Variants in PCDHA9 observed in about 807,000 individuals in gnomAD.
PCDHA9 encodes the protein protocadherin alpha-9.
PCDHA9 carries 62 observed loss-of-function variants against 62.0 expected under a neutral mutation model. The ratio of observed to expected loss-of-function variants is 1.00; its 90% CI spans 0.81 to 1.23. The LOEUF (loss-of-function observed/expected upper bound fraction) is 1.23. PCDHA9 is among the 50% of genes most tolerant of loss of function. The probability of loss-of-function intolerance (pLI) is 0.00; values close to 1 mark genes in which losing one functional copy is unlikely to be tolerated. For synonymous variants in PCDHA9, 557 were observed against 567.6 expected (o/e 0.98, Z 0.27); for missense variants, 1,205 against 1,249.8 (o/e 0.96, Z 0.54).
chr5:140,928,522 T>G lies in PCDHA9; in HGVS notation c.2395-50427T>G, dbSNP rs373009645. The G allele has an allele frequency of 4.3e-6, 7 of 1,614,150 alleles. No homozygotes were observed. Among genetic ancestry groups the G allele is most frequent in the African/African-American group, 1.3e-5 (1 of 75,032 alleles). On this transcript the variant is annotated intron_variant, in intron 1 of 3. Coordinates refer to ENST00000532602, the MANE Select transcript of PCDHA9 (RefSeq NM_031857.2). ...AAGTGCAACAGTGACTATAAACTTG[T>G]TTGTGGTAGATAGGAATGACAATTA...
At chr5:140,883,525 A>G in intron 1 of PCDHA9, 1 of 1,614,220 alleles carries the variant, frequency 6.2e-7, no homozygotes, top group Middle Eastern at 1.7e-4. Context: ...AGAGCGTATC[A>G]GCCTATGAAC....
chr5:140,902,657 T>G (rs1331790009), intron 1 of PCDHA9, among the ~76,000 whole-genome samples: 2 of 152,160 alleles, frequency 1.3e-5, no homozygotes, highest in Non-Finnish European at 2.9e-5. Context: ...GGTGCACCTG[T>G]CACCCAAGCA....
chr5:140,997,131 C>T (rs577407385), intron 3 of PCDHA9, among the ~76,000 whole-genome samples: 26 of 152,126 alleles, frequency 1.7e-4, no homozygotes, highest in African/African-American at 6.0e-4. Flanking sequence ...ACACAATGCC[C>T]CCACACCCCC....
intron 1 of PCDHA9, among the ~76,000 whole-genome samples, chr5:140,957,658 G>T (rs2095373813): frequency 6.6e-6 from 1 of 151,932 alleles, no homozygotes; most frequent in Non-Finnish European, 1.5e-5. Flanking sequence ...TTCAATCATG[G>T]AGTAAAAATT....
chr5:140,857,920 G>T (rs2045011675), intron 1 of PCDHA9: 2 of 1,597,702 alleles, frequency 1.3e-6, no homozygotes, highest in East Asian at 2.2e-5. Context: ...TTCGCGTGGG[G>T]CTGTACACGG....
intron 1 of PCDHA9, among the ~76,000 whole-genome samples, chr5:140,900,829 A>G (rs2068324648): frequency 6.6e-6 from 1 of 152,110 alleles, no homozygotes; most frequent in Non-Finnish European, 1.5e-5. Context: ...TCCCACCAAC[A>G]ATGTACAAAG....
intron 1 of PCDHA9, among the ~76,000 whole-genome samples, chr5:140,880,156 A>C (rs1301821759): frequency 6.6e-6 from 1 of 152,250 alleles, no homozygotes; most frequent in Non-Finnish European, 1.5e-5. Context: ...TATATCAAGT[A>C]TATGTTAGAA....
At chr5:140,858,790 AT>A in intron 1 of PCDHA9, 1 of 388,116 alleles carries the variant, frequency 2.6e-6, no homozygotes. Context: ...ATGTTATTTC[AT>A]TTCCAATCTA....
intron 1 of PCDHA9, chr5:140,853,757 T>G: frequency 1.0e-6 from 1 of 988,514 alleles, no homozygotes; most frequent in East Asian, 1.1e-4. Context: ...AGGCTCCACC[T>G]CAGAAATTCT....
At chr5:140,969,765 G>T (rs1445266469) in intron 1 of PCDHA9, among the ~76,000 whole-genome samples, 5 of 152,148 alleles carry the variant, frequency 3.3e-5, no homozygotes, top group Non-Finnish European at 7.3e-5. Flanking sequence ...AAGCTCTGAG[G>T]CCTCTAGGGG....
At chr5:140,869,605 T>C (rs782447414) in intron 1 of PCDHA9, 132 of 1,613,940 alleles carry the variant, frequency 8.2e-5, no homozygotes, top group Non-Finnish European at 1.1e-4. Context: ...GAATGCTCTA[T>C]TGACCTACAG....
At chr5:140,982,434 T>A in intron 2 of PCDHA9, 41 bp from the exon 3 acceptor site, 1 of 1,613,270 alleles carries the variant, frequency 6.2e-7, no homozygotes, top group Non-Finnish European at 8.5e-7. Flanking sequence ...TGGGAAAGAA[T>A]TTATGATCTA....
chr5:140,926,954 A>T, intron 1 of PCDHA9: 1 of 1,597,602 alleles, frequency 6.3e-7, no homozygotes, highest in Non-Finnish European at 8.6e-7. Flanking sequence ...GCAGCGGGAC[A>T]GCTCGAGTAC....
chr5:140,877,680 G>A, intron 1 of PCDHA9: 1 of 1,613,738 alleles, frequency 6.2e-7, no homozygotes, highest in Non-Finnish European at 8.5e-7. Flanking sequence ...CGCCGGGCAA[G>A]CCCACGCTGG....
intron 1 of PCDHA9, among the ~76,000 whole-genome samples, chr5:140,912,495 GC>G (rs2075942069): frequency 6.6e-6 from 1 of 152,084 alleles, no homozygotes. Context: ...AGATCTAGGA[GC>G]TTTTTGGATG....
chr5:140,858,032 G>A lies in PCDHA9; in HGVS notation c.2394+7143G>A. 6.3e-7 allele frequency: 1 copy of A among 1,597,242 alleles called. No homozygotes were observed. The highest frequency in any genetic ancestry group is 8.6e-7 in the Non-Finnish European group (1 of 1,167,272). The stretch of plus-strand genomic sequence containing the variant: ...TGGCGAGCCGTCGCTGACGGCCACG[G>A]CCACTGTGCTTGTGTCGCTTGTGGA... On this transcript the variant is annotated intron_variant, in intron 1 of 3. Transcript: ENST00000532602.
chr5:140,865,389 A>T (rs1184678268), intron 1 of PCDHA9: 2 of 152,350 alleles, frequency 1.3e-5, no homozygotes, highest in Non-Finnish European at 2.9e-5. Flanking sequence ...GGGTAAAGTT[A>T]ATATAAATGC....
intron 3 of PCDHA9, among the ~76,000 whole-genome samples, chr5:140,996,928 G>A (rs114173550): frequency 6.6e-6 from 1 of 152,032 alleles, no homozygotes; most frequent in African/African-American, 2.4e-5. Flanking sequence ...AAAAAATATA[G>A]CATTTTTGCA....
At chr5:141,007,258 A>G (rs1160413471) in intron 3 of PCDHA9, among the ~76,000 whole-genome samples, 1 of 152,110 alleles carries the variant, frequency 6.6e-6, no homozygotes, top group Non-Finnish European at 1.5e-5. Flanking sequence ...AGTTAAAAGA[A>G]GCAGATACAG....
Sources: gnomAD v4.1 joint callset for allele counts (sites outside exome capture counted in the v4.1 genomes callset) on GRCh38, gnomAD v4.1.1 for gene constraint, MANE v1.5 for transcripts, NCBI Gene and HGNC (gene_info 2026-07-23, HGNC 2026-07-21) for gene names.